KCNN1: variants seen among roughly 807,000 people sequenced by gnomAD.
KCNN1 encodes potassium calcium-activated channel subfamily N member 1.
KCNN1 carries 20 observed loss-of-function variants against 44.7 expected under a neutral mutation model. The observed-to-expected ratio is 0.45, with a 90% confidence interval of 0.32 to 0.65. KCNN1 has a LOEUF of 0.65. KCNN1 is among the 30% of genes least tolerant of loss of function. The probability of loss-of-function intolerance (pLI) is 0.05; values close to 1 mark genes in which losing one functional copy is unlikely to be tolerated. For missense variants in KCNN1, 632 were observed against 785.3 expected, an observed-to-expected ratio of 0.80 and a Z score of 2.33; for synonymous variants, 324 against 341.7, an observed-to-expected ratio of 0.95 and a Z score of 0.57.
chr19:17,977,347 CT>C (rs34570772), intron 3 of KCNN1, among the ~76,000 whole-genome samples: 48 of 146,604 alleles, frequency 3.3e-4, no homozygotes, highest in Admixed American at 3.4e-4. Flanking sequence ...GATGATTCCA[CT>C]TTTTTTTTTT....
intron 2 of KCNN1, among the ~76,000 whole-genome samples, chr19:17,961,200 A>C (rs930361115): frequency 3.3e-5 from 5 of 150,700 alleles, no homozygotes; most frequent in African/African-American, 1.2e-4. Flanking sequence ...AAAAAAAAAA[A>C]AAAAAACCCA....
intron 1 of KCNN1, among the ~76,000 whole-genome samples, chr19:17,970,893 T>C (rs974690454): frequency 6.6e-6 from 1 of 151,626 alleles, no homozygotes; most frequent in African/African-American, 2.4e-5. Flanking sequence ...CTCATTTTTT[T>C]TTTTTTTTGA....
In KCNN1 at chr19:17,993,771, C is replaced by G. The variant is rs7249295; in HGVS notation, c.1377+212C>G. On this transcript the variant is annotated intron_variant, in intron 9 of 9. Coordinates refer to ENST00000684775, the MANE Select transcript of KCNN1 (RefSeq NM_001386974.1). The surrounding 1 kb of genome is among the most constrained non-coding windows in gnomAD (Gnocchi z 4.5). ...AAAAAAAATACAACAATTAGCCAGGCGTGGTGGCGGGCGCCTTTAATCCCA... is the reference window on the plus strand; with the variant it reads ...AAAAAAAATACAACAATTAGCCAGGGGTGGTGGCGGGCGCCTTTAATCCCA... Among the ~76,000 whole-genome samples the G allele has an allele frequency of 1.3e-5, 2 of 151,850 alleles. No homozygotes were observed. Among genetic ancestry groups the G allele is most frequent in the Non-Finnish European group, 2.9e-5 (2 of 67,962 alleles).
intron 3 of KCNN1, among the ~76,000 whole-genome samples, chr19:17,979,305 C>T (rs775552445): frequency 9.5e-4 from 143 of 151,142 alleles, no homozygotes; most frequent in Admixed American, 3.9e-3. Flanking sequence ...TGGTGGCGGG[C>T]GCCTGTAGTC....
upstream of KCNN1, among the ~76,000 whole-genome samples, chr19:17,963,255 C>T (rs945014053): frequency 5.3e-5 from 8 of 151,188 alleles, no homozygotes; most frequent in Admixed American, 3.3e-4. Flanking sequence ...CCTCGTGATC[C>T]GCCTGCCTCA....
intron 4 of KCNN1, 49 bp downstream of exon 4, chr19:17,982,176 C>T: frequency 7.1e-7 from 1 of 1,400,784 alleles, no homozygotes; most frequent in Non-Finnish European, 9.5e-7. Flanking sequence ...CCCCGTCTCC[C>T]TGGACCTCCA....
upstream of KCNN1, among the ~76,000 whole-genome samples, chr19:17,964,279 T>C (rs1600005969): frequency 6.6e-6 from 1 of 151,810 alleles, no homozygotes; most frequent in South Asian, 2.1e-4. This position sits in a 1 kb window ranked among gnomAD's most constrained non-coding sequence, Gnocchi z 4.3. Flanking sequence ...TGTGGAGGGG[T>C]GCTGGGGATG....
chr19:17,952,129 C>G (rs1055671758), intron 1 of KCNN1: 1 of 152,180 alleles, frequency 6.6e-6, no homozygotes, highest in Non-Finnish European at 1.5e-5. Context: ...AGGGCCCCGG[C>G]TGTGGCCGCG....
At chr19:17,967,102 C>G (rs901178865), upstream of KCNN1, 22 of 980,180 alleles carry the variant, frequency 2.2e-5, no homozygotes, top group African/African-American at 2.1e-4. Flanking sequence ...TCTCCCGGCC[C>G]GGGCGGGCGC....
intron 1 of KCNN1, among the ~76,000 whole-genome samples, chr19:17,952,759 C>A (rs1249887990): frequency 6.6e-6 from 1 of 152,200 alleles, no homozygotes; most frequent in Admixed American, 6.5e-5. Flanking sequence ...GGCCAGGCTG[C>A]GCAGTAGGAG....
rs770491495 is a variant in KCNN1 at position 17,985,390 on chromosome 19, C to T, written c.996C>T (p.Gly332=). 3.9e-5 allele frequency: 63 copies of T among 1,611,638 alleles called. No individual in the cohort carries two copies. Among genetic ancestry groups the T allele is most frequent in the Non-Finnish European group, 5.1e-5 (60 of 1,178,500 alleles). The change falls in exon 5 of 10, where the codon GGC becomes GGT. Residue 332 remains glycine (G), a synonymous_variant. Transcript: ENST00000684775. ...WLISITFLSI[G]YGDMVPHTYC... ...TTTCCATCACCTTCCTCTCCATTGG[C>T]TACGGCGACATGGTGCCCCACACCT...
At chr19:17,994,858 T>C (rs1292638904) in intron 9 of KCNN1, among the ~76,000 whole-genome samples, 1 of 152,148 alleles carries the variant, frequency 6.6e-6, no homozygotes, top group Non-Finnish European at 1.5e-5. Flanking sequence ...TCCCACTTTT[T>C]GAATTCTTCC....
chr19:17,981,851 C>T lies in KCNN1; in HGVS notation c.641C>T (p.Ala214Val), dbSNP rs1441503901. The change falls in exon 4 of 10, where the codon GCC (alanine) becomes GTC (valine). Residue 214 changes from alanine (A) to valine (V), a missense_variant. Physicochemically the swap from Ala to Val is moderately conservative, Grantham distance 64. Transcript: ENST00000684775. ...CGCTTCACGTGGACGGCGCGGCTGGCCTTCACGTACGCGCCCTCGGTGGCC... is the reference window on the plus strand; with the variant it reads ...CGCTTCACGTGGACGGCGCGGCTGGTCTTCACGTACGCGCCCTCGGTGGCC... ...HYRFTWTARLAFTYAPSVAEA... is the reference protein window; with the variant it reads ...HYRFTWTARLVFTYAPSVAEA... 2 of 1,612,562 alleles carry T rather than the reference C, an allele frequency of 1.2e-6. No homozygotes were observed. Among genetic ancestry groups the T allele is most frequent in the African/African-American group, 2.7e-5 (2 of 74,924 alleles).
At position 17,999,107 on chromosome 19, in the gene KCNN1, T is replaced by A. The variant is rs1157516222; in HGVS notation, c.*701T>A. The A allele has an allele frequency of 6.6e-6, 1 of 152,258 alleles. No individual in the cohort carries two copies. The highest frequency in any genetic ancestry group is 1.5e-5 in the Non-Finnish European group (1 of 68,062). 9.4% of individuals were successfully genotyped at this position (152,258 alleles called of 1,614,324 possible). ...GAGCACCTGCTGTCTACAGAGAATGTGATGATGTCAATTACCACACTGATT... is the reference window on the plus strand; with the variant it reads ...GAGCACCTGCTGTCTACAGAGAATGAGATGATGTCAATTACCACACTGATT... On this transcript the variant is annotated 3_prime_UTR_variant, in exon 10 of 10. Transcript: ENST00000684775.
chr19:17,953,592 G>A (rs1379763790), intron 1 of KCNN1, among the ~76,000 whole-genome samples: 2 of 152,200 alleles, frequency 1.3e-5, no homozygotes, highest in Admixed American at 1.3e-4. Flanking sequence ...TAGATGGAGG[G>A]AGCACGCCAA....
Position 17,985,368 on chromosome 19 carries a change from C to T in KCNN1, c.974C>T (p.Ser325Phe). ...TTCCTGGGGGCCATGTGGCTGATTT[C>T]CATCACCTTCCTCTCCATTGGCTAC... ...SNFLGAMWLI[S>F]ITFLSIGYGD... Residue 325 changes from serine to phenylalanine, a missense_variant, in exon 5 of 10, where the codon TCC becomes TTC. Transcript: ENST00000684775. 6.2e-7 allele frequency: 1 copy of T among 1,611,814 alleles called. No individual in the cohort carries two copies. The highest frequency in any genetic ancestry group is 8.5e-7 in the Non-Finnish European group (1 of 1,178,502).
chr19:17,985,143 G>C (rs189228282), intron 4 of KCNN1, among the ~76,000 whole-genome samples, 169 bp from the exon 5 acceptor site: 46 of 152,222 alleles, frequency 3.0e-4, no homozygotes, highest in Non-Finnish European at 3.8e-4. Context: ...AATGTGGAAG[G>C]GCTGTAGCGG....
At position 17,952,633 on chromosome 19, in the gene KCNN1, G is replaced by C. The variant is rs149001825; in HGVS notation, c.-203+1224G>C. Among the ~76,000 whole-genome samples the C allele has an allele frequency of 6.6e-5, 10 of 152,256 alleles. No individual in the cohort carries two copies. In the East Asian group the frequency reaches 1.9e-3, roughly 29 times the overall value. On this transcript the variant is annotated intron_variant, in intron 1 of 10. Coordinates refer to the KCNN1 transcript ENST00000222249. ...GGGGACATGGGGATCCTCCACGCCT[G>C]CACCCTCCTCAGTGGTGGGGGGAAA... is the stretch of plus-strand genomic sequence containing the variant.
In KCNN1 at chr19:17,999,851, G is replaced by A; in HGVS notation, c.*1445G>A. 1 of 399,712 alleles carries A rather than the reference G, an allele frequency of 2.5e-6. No homozygotes were observed. Among genetic ancestry groups the A allele is most frequent in the East Asian group, 7.2e-5 (1 of 13,884 alleles). The allele number at this position is 399,712 out of a possible 1,614,324, so 24.8% of individuals were successfully genotyped here. A position where few individuals can be genotyped will look rare whatever the true frequency, so the allele number is the denominator to read the frequency against. ...ACTAGGCCGTGGCTGGTGCATGAAT[G>A]ACCAGCTTGGGCCCACGCACGAGAA... On this transcript the variant is annotated 3_prime_UTR_variant, in exon 10 of 10. Transcript: ENST00000684775.
Sources: gnomAD v4.1 joint callset for allele counts (sites outside exome capture counted in the v4.1 genomes callset) on GRCh38, gnomAD v4.1.1 for gene constraint, Gnocchi (gnomAD v3.1) non-coding constraint, MANE v1.5 for transcripts, NCBI Gene and HGNC (gene_info 2026-07-23, HGNC 2026-07-21) for gene names.